ELOVL6: variants seen among roughly 807,000 people sequenced by gnomAD.
The protein encoded by ELOVL6 is ELOVL fatty acid elongase 6.
ELOVL6 carries 8 observed loss-of-function variants against 31.7 expected under a neutral mutation model. That is an observed-to-expected ratio of 0.25 (90% CI 0.15 to 0.45). The LOEUF is 0.45. ELOVL6 is among the 20% of genes least tolerant of loss of function. The pLI, the probability that ELOVL6 is intolerant of heterozygous loss-of-function variation, is 1.00. For missense variants in ELOVL6, 126 were observed against 326.4 expected, an observed-to-expected ratio of 0.39 and a Z score of 4.73; for synonymous variants, 101 against 117.7, an observed-to-expected ratio of 0.86 and a Z score of 0.92.
intron 1 of ELOVL6, among the ~76,000 whole-genome samples, chr4:110,136,175 C>A (rs914830007): frequency 6.6e-6 from 1 of 152,080 alleles, no homozygotes. Flanking sequence ...TTCTCAAATT[C>A]CTATTTCACT....
chr4:110,191,088 G>T (rs958046941), intron 1 of ELOVL6, among the ~76,000 whole-genome samples: 4 of 152,112 alleles, frequency 2.6e-5, no homozygotes, highest in Middle Eastern at 3.4e-3. Context: ...CAAAGTGCTG[G>T]GATTACAGGT....
chr4:110,138,458 G>A (rs1757866995), intron 1 of ELOVL6, among the ~76,000 whole-genome samples: 1 of 152,092 alleles, frequency 6.6e-6, no homozygotes, highest in Non-Finnish European at 1.5e-5. Context: ...CAAATTAATA[G>A]TAACACACTA....
At chr4:110,165,264 T>G (rs912112036) in intron 1 of ELOVL6, among the ~76,000 whole-genome samples, 1 of 152,210 alleles carries the variant, frequency 6.6e-6, no homozygotes, top group African/African-American at 2.4e-5. Context: ...CATGTGCTAT[T>G]GCCATTCATA....
chr4:110,195,340 G>A (rs911776494), intron 1 of ELOVL6, among the ~76,000 whole-genome samples: 4 of 151,846 alleles, frequency 2.6e-5, no homozygotes, highest in Non-Finnish European at 5.9e-5. Flanking sequence ...GGCTGGTCTC[G>A]AACTCCTGTC....
At chr4:110,118,250 G>A (rs191604159) in intron 1 of ELOVL6, among the ~76,000 whole-genome samples, 111 of 151,766 alleles carry the variant, frequency 7.3e-4, no homozygotes, top group South Asian at 3.5e-3. Context: ...GAGCCACTGC[G>A]CCTGGCCAGT....
At chr4:110,140,145 A>G (rs895430526) in intron 1 of ELOVL6, among the ~76,000 whole-genome samples, 1 of 152,138 alleles carries the variant, frequency 6.6e-6, no homozygotes, top group African/African-American at 2.4e-5. Flanking sequence ...GTACTTTTCT[A>G]TATAAGCCCC....
chr4:110,117,953 T>A (rs1757235054), intron 1 of ELOVL6: 1 of 61,008 alleles, frequency 1.6e-5, no homozygotes, highest in African/African-American at 6.4e-5. Context: ...AAAGGAATAA[T>A]CTTTTTTTTT....
chr4:110,092,082 C>T (rs1173498496), intron 2 of ELOVL6, among the ~76,000 whole-genome samples: 2 of 152,058 alleles, frequency 1.3e-5, no homozygotes, highest in Admixed American at 1.3e-4. Flanking sequence ...GAAACACATG[C>T]TAGGAAACGA....
At chr4:110,145,136 T>A (rs368218599) in intron 1 of ELOVL6, among the ~76,000 whole-genome samples, 2 of 151,604 alleles carry the variant, frequency 1.3e-5, no homozygotes, top group African/African-American at 4.8e-5. Context: ...AACAGAAGTA[T>A]AGGGCAGAGA....
intron 2 of ELOVL6, among the ~76,000 whole-genome samples, chr4:110,100,327 AG>A: frequency 6.6e-6 from 1 of 152,316 alleles, no homozygotes; most frequent in East Asian, 1.9e-4. Flanking sequence ...AGCTTATGAT[AG>A]GTTTCAATAA....
chr4:110,148,159 T>C (rs946130017), intron 1 of ELOVL6, among the ~76,000 whole-genome samples: 22 of 145,208 alleles, frequency 1.5e-4, no homozygotes, highest in South Asian at 6.7e-4. Context: ...AACAAGTGGG[T>C]TTAGGGTAGG....
At chr4:110,176,787 G>A (rs1428220276) in intron 1 of ELOVL6, among the ~76,000 whole-genome samples, 5 of 152,144 alleles carry the variant, frequency 3.3e-5, no homozygotes, top group Admixed American at 1.3e-4. Flanking sequence ...GCCCAGGCTG[G>A]AGTGCAATGG....
At chr4:110,088,115 C>T (rs76491100) in intron 2 of ELOVL6, among the ~76,000 whole-genome samples, 12,697 of 152,262 alleles carry the variant, frequency 0.083, 691 homozygotes, top group South Asian at 0.15. Context: ...CCTTGACCCT[C>T]AGTTTGGAAA....
intron 1 of ELOVL6, among the ~76,000 whole-genome samples, chr4:110,152,686 A>G (rs1370942640): frequency 6.6e-6 from 1 of 152,158 alleles, no homozygotes; most frequent in African/African-American, 2.4e-5. Flanking sequence ...CAAGCTCTGC[A>G]GTGATGCTGC....
intron 2 of ELOVL6, among the ~76,000 whole-genome samples, chr4:110,074,606 G>T (rs929914404): frequency 6.6e-6 from 1 of 152,136 alleles, no homozygotes; most frequent in Non-Finnish European, 1.5e-5. Flanking sequence ...ATTTGTTGGA[G>T]CTTATATCTT....
At chr4:110,070,435 T>C (rs576365890) in intron 2 of ELOVL6, among the ~76,000 whole-genome samples, 16 of 152,354 alleles carry the variant, frequency 1.1e-4, no homozygotes, top group African/African-American at 3.8e-4. Flanking sequence ...ACTTTGTTCC[T>C]TTGAGAAAAC....
At position 110,051,428 on chromosome 4, in the gene ELOVL6, T is replaced by C; in HGVS notation, c.708A>G (p.Ser236=). 2 of 1,613,958 alleles carry C rather than the reference T, an allele frequency of 1.2e-6. No individual in the cohort carries two copies. Among genetic ancestry groups the C allele is most frequent in the Middle Eastern group, 1.7e-4 (1 of 6,060 alleles). Residue 236 remains serine (S), a synonymous_variant, in exon 4 of 4, where the codon TCA becomes TCG. Coordinates refer to ENST00000302274, the MANE Select transcript of ELOVL6 (RefSeq NM_024090.3). This position sits in a 1 kb window ranked among gnomAD's most constrained non-coding sequence, Gnocchi z 4.8. Reference sequence around the variant, plus strand: ...GCACAAGGTAGCTGAGGTACATGAGTGAGGACCAGAAGATGTTCTGAAAGT... The same window carrying C: ...GCACAAGGTAGCTGAGGTACATGAGCGAGGACCAGAAGATGTTCTGAAAGT... The part of the protein sequence containing the change: ...HSHFQNIFWS[S]LMYLSYLVLF...
chr4:110,113,204 G>A (rs1486231298), intron 1 of ELOVL6, among the ~76,000 whole-genome samples: 1 of 148,980 alleles, frequency 6.7e-6, no homozygotes, highest in Non-Finnish European at 1.5e-5. Flanking sequence ...CTCCAGCCTG[G>A]GCGACAAAGC....
At chr4:110,167,140 G>T (rs1758800987) in intron 1 of ELOVL6, among the ~76,000 whole-genome samples, 1 of 152,204 alleles carries the variant, frequency 6.6e-6, no homozygotes, top group African/African-American at 2.4e-5. Context: ...AGTAGCTGAA[G>T]ATCACAGGGT....
Sources: gnomAD v4.1 joint callset for allele counts (sites outside exome capture counted in the v4.1 genomes callset) on GRCh38, gnomAD v4.1.1 for gene constraint, Gnocchi (gnomAD v3.1) non-coding constraint, MANE v1.5 for transcripts, NCBI Gene and HGNC (gene_info 2026-07-23, HGNC 2026-07-21) for gene names.